INSR: variants seen among roughly 807,000 people sequenced by gnomAD.
The protein encoded by INSR is IR.
In INSR, 67 loss-of-function variants were observed where a neutral mutation model predicts 142.6. The ratio of observed to expected loss-of-function variants is 0.47; its 90% CI spans 0.39 to 0.58. INSR has a LOEUF of 0.58. INSR is among the 20% of genes least tolerant of loss of function. The pLI is 0.00. For missense variants in INSR, 1,248 were observed against 1,833.2 expected, an observed-to-expected ratio of 0.68 and a Z score of 5.83; for synonymous variants, 756 against 743.1, an observed-to-expected ratio of 1.02 and a Z score of -0.28.
At chr19:7,199,750 C>T (rs935847275) in intron 2 of INSR, among the ~76,000 whole-genome samples, 1 of 151,860 alleles carries the variant, frequency 6.6e-6, no homozygotes, top group Non-Finnish European at 1.5e-5. Context: ...TACCTCGACC[C>T]ACCCAGATCT....
At position 7,175,777 on chromosome 19, in the gene INSR, G is replaced by A. The variant is rs560142574; in HGVS notation, c.975-1046C>T. Among the ~76,000 whole-genome samples the A allele has an allele frequency of 6.6e-5, 10 of 151,940 alleles. No homozygotes were observed. The South Asian group carries it at 2.1e-3, about 32-fold the overall frequency. ...TTGAACCTGGGAGGCAGAGGTTGCAGTGAGCCGAGATAGCACCACTGCACT... is the reference window on the plus strand; with the variant it reads ...TTGAACCTGGGAGGCAGAGGTTGCAATGAGCCGAGATAGCACCACTGCACT... On this transcript the variant is annotated intron_variant, in intron 3 of 21. Coordinates refer to ENST00000302850, the MANE Select transcript of INSR (RefSeq NM_000208.4).
chr19:7,242,378 T>C (rs1976380721), intron 2 of INSR, among the ~76,000 whole-genome samples: 1 of 152,072 alleles, frequency 6.6e-6, no homozygotes, highest in Non-Finnish European at 1.5e-5. Flanking sequence ...TTAAACATTC[T>C]TTCTAAAAAC....
At position 7,184,653 on chromosome 19, in the gene INSR, G is replaced by A; in HGVS notation, c.653-16C>T. 1.4e-6 allele frequency: 2 copies of A among 1,473,440 alleles called. No individual in the cohort carries two copies. Among genetic ancestry groups the A allele is most frequent in the Non-Finnish European group, 1.9e-6 (2 of 1,075,108 alleles). 91.3% of individuals were successfully genotyped at this position (1,473,440 alleles called of 1,614,324 possible). A position where few individuals can be genotyped will look rare whatever the true frequency, so the allele number is the denominator to read the frequency against. On this transcript the variant is annotated splice_polypyrimidine_tract_variant and intron_variant, in intron 2 of 21. Coordinates refer to ENST00000302850, the MANE Select transcript of INSR (RefSeq NM_000208.4). The stretch of plus-strand genomic sequence containing the variant: ...GTCGGGCAAACTGGAGAGAGAGAGA[G>A]AGAGAGAGGGAAATAAATAAATAAA...
At chr19:7,163,334 G>A in intron 8 of INSR, 135 bp from the exon 9 acceptor site, 2 of 825,300 alleles carry the variant, frequency 2.4e-6, no homozygotes, top group Non-Finnish European at 4.2e-6. Context: ...GCCAAGGCAG[G>A]CGGATCACGA....
At position 7,142,389 on chromosome 19, in the gene INSR, C is replaced by CAAAAAAAAAA. The variant is rs34453877; in HGVS notation, c.2542+417_2542+426dup. ...TGGGCGACAGAGCAAGACTTCATCT[C>CAAAAAAAAAA]AAAAAAAAAAAAAAAAAAAAAAAAG... On this transcript the variant is annotated intron_variant, in intron 12 of 21. Transcript: ENST00000302850. 7.4e-4 allele frequency among the ~76,000 whole-genome samples: 31 copies of CAAAAAAAAAA among 42,144 alleles called. 1 individual carries two copies. Among genetic ancestry groups the CAAAAAAAAAA allele is most frequent in the Non-Finnish European group, 1.1e-3 (26 of 24,396 alleles). 27.6% of individuals were successfully genotyped at this position (42,144 alleles called of 152,430 possible). A position where few individuals can be genotyped will look rare whatever the true frequency, so the allele number is the denominator to read the frequency against.
intron 2 of INSR, among the ~76,000 whole-genome samples, chr19:7,212,932 C>T (rs1314126195): frequency 6.6e-6 from 1 of 152,138 alleles, no homozygotes; most frequent in Non-Finnish European, 1.5e-5. Flanking sequence ...TAGCAGCCCT[C>T]TCCAGCCCCG....
chr19:7,146,458 T>C (rs1973190318), intron 11 of INSR, among the ~76,000 whole-genome samples: 1 of 151,986 alleles, frequency 6.6e-6, no homozygotes, highest in South Asian at 2.1e-4. Context: ...ACCAGAATGT[T>C]CTCAATCTCT....
chr19:7,249,996 A>T (rs575578469), intron 2 of INSR, among the ~76,000 whole-genome samples: 3 of 151,884 alleles, frequency 2.0e-5, no homozygotes, highest in South Asian at 2.1e-4. Flanking sequence ...TGTCTCAAAA[A>T]AAAATAAAAT....
intron 2 of INSR, among the ~76,000 whole-genome samples, chr19:7,249,958 C>G (rs972618114): frequency 6.6e-6 from 1 of 151,672 alleles, no homozygotes; most frequent in Admixed American, 6.6e-5. Flanking sequence ...CACCACTGCA[C>G]TCCAACCTGG....
intron 2 of INSR, among the ~76,000 whole-genome samples, chr19:7,236,899 C>G (rs895666804): frequency 1.3e-5 from 2 of 151,702 alleles, no homozygotes; most frequent in African/African-American, 2.4e-5. Flanking sequence ...TGGTGGCAGG[C>G]GCCTGTAGTC....
chr19:7,170,502 C>T (rs773120478), intron 6 of INSR, 35 bp downstream of exon 6: 1 of 1,532,138 alleles, frequency 6.5e-7, no homozygotes, highest in Non-Finnish European at 9.0e-7. Context: ...TACACCGGTC[C>T]CTCATGCCAA....
At chr19:7,191,721 C>T (rs1974594097) in intron 2 of INSR, among the ~76,000 whole-genome samples, 2 of 152,006 alleles carry the variant, frequency 1.3e-5, no homozygotes, top group Non-Finnish European at 2.9e-5. Context: ...CCCAGCTACT[C>T]GGGAGACTGA....
intron 14 of INSR, among the ~76,000 whole-genome samples, chr19:7,131,462 G>A (rs1039091250): frequency 6.6e-6 from 1 of 151,516 alleles, no homozygotes; most frequent in Admixed American, 6.6e-5. Context: ...TCCTGCCTCA[G>A]CCTCCTGAGT....
chr19:7,252,976 G>A (rs1436509602), intron 2 of INSR, among the ~76,000 whole-genome samples: 4 of 152,016 alleles, frequency 2.6e-5, no homozygotes, highest in African/African-American at 2.4e-5. Flanking sequence ...TTAGCCGGGC[G>A]TGGTGGCGGG....
In INSR at chr19:7,244,482, G is replaced by A. The variant is rs181836644; in HGVS notation, c.652+22863C>T. Among the ~76,000 whole-genome samples, 57 of 149,616 alleles carry A rather than the reference G, an allele frequency of 3.8e-4. No homozygotes were observed. The East Asian group carries it at 4.5e-3, about 12-fold the overall frequency. On this transcript the variant is annotated intron_variant, in intron 2 of 21. Transcript: ENST00000302850. ...TGGGAGGCAGAGGTTGCAGTGAGCC[G>A]AGATCGTGCCACTACTCTCCAGCCT...
At chr19:7,132,036 T>C in intron 14 of INSR, 122 bp downstream of exon 14, 2 of 1,188,184 alleles carry the variant, frequency 1.7e-6, no homozygotes, top group Non-Finnish European at 2.5e-6. Context: ...CAGCAGCTGA[T>C]AGGCCTGAGA....
rs76262811 is a variant in INSR at position 7,172,355 on chromosome 19, G to C, written c.1203C>G (p.Tyr401Ter). The change falls in exon 5 of 22, where the codon TAC becomes TAG. Residue 401 changes from tyrosine to a stop codon, truncating the protein, a stop_gained. Coordinates refer to ENST00000302850, the MANE Select transcript of INSR (RefSeq NM_000208.4). LOFTEE classifies it high-confidence loss of function. ...GGAAGAAGGAAAGTGACACCAGAGC[G>C]TAGGATCGGCGGATTTTTAGATACC... ...ISGYLKIRRS[Y>*]ALVSLSFFRK... 1 of 1,614,016 alleles carries C rather than the reference G, an allele frequency of 6.2e-7. No homozygotes were observed. The highest frequency in any genetic ancestry group is 8.5e-7 in the Non-Finnish European group (1 of 1,180,012).
intron 9 of INSR, among the ~76,000 whole-genome samples, chr19:7,153,309 AAT>A (rs1568449825): frequency 5.3e-5 from 5 of 94,098 alleles, no homozygotes; most frequent in East Asian, 1.3e-3. Context: ...ACACCACACA[AAT>A]CACACACACA....
chr19:7,243,535 C>T (rs1282648430), intron 2 of INSR, among the ~76,000 whole-genome samples: 6 of 152,030 alleles, frequency 3.9e-5, no homozygotes, highest in South Asian at 2.1e-4. Context: ...CATGAGCCAC[C>T]GCACCTGGCC....
Sources: gnomAD v4.1 joint callset for allele counts (sites outside exome capture counted in the v4.1 genomes callset) on GRCh38, gnomAD v4.1.1 for gene constraint, MANE v1.5 for transcripts, NCBI Gene and HGNC (gene_info 2026-07-23, HGNC 2026-07-21) for gene names.